The following GRIP2 variants were observed in gnomAD, a reference collection of about 807,000 sequenced individuals.
GRIP2 encodes the protein glutamate receptor interacting protein 2, also known as glutamate receptor-interacting protein 2.
GRIP2 carries 58 observed loss-of-function variants against 108.3 expected under a neutral mutation model. That is an observed-to-expected ratio of 0.54 (90% CI 0.43 to 0.67). The LOEUF (loss-of-function observed/expected upper bound fraction) is 0.67, where lower values mean the gene tolerates loss of function less well. Ranked by LOEUF, GRIP2 falls within the 30% of genes least tolerant of loss-of-function variation. GRIP2 has a pLI of 0.00. For synonymous variants in GRIP2, 586 were observed against 598.2 expected (o/e 0.98, Z 0.30); for missense variants, 1,278 against 1,430.6 (o/e 0.89, Z 1.72).
chr3:14,555,712 G>A (rs958543364), intron 1 of GRIP2, among the ~76,000 whole-genome samples: 3 of 152,112 alleles, frequency 2.0e-5, no homozygotes, highest in African/African-American at 4.8e-5. Context: ...GAAGCAGAGC[G>A]GTGGAGAGAC....
the GRIP2 span, among the ~76,000 whole-genome samples, chr3:14,569,876 C>T: frequency 3.3e-5 from 5 of 152,194 alleles, no homozygotes; most frequent in African/African-American, 1.2e-4. Flanking sequence ...AGGCAGAAGT[C>T]GAGCCAGGCC....
the GRIP2 span, among the ~76,000 whole-genome samples, chr3:14,576,801 G>C: frequency 1.3e-5 from 2 of 152,174 alleles, no homozygotes; most frequent in African/African-American, 4.8e-5. Flanking sequence ...AAATACCAAT[G>C]TATGAATTTT....
At position 14,507,419 on chromosome 3, in the gene GRIP2, T is replaced by C. The variant is rs1243023818; in HGVS notation, c.2218+142A>G. On this transcript the variant is annotated intron_variant, in intron 18 of 23. Transcript: ENST00000621039. The surrounding 1 kb of genome is among the most constrained non-coding windows in gnomAD (Gnocchi z 4.6). ...TGGGCTCATCACTTCCCTCTCTGAG[T>C]CTTATCTTCTTTGCCATCGCAGGCC... 1 of 1,014,666 alleles carries C rather than the reference T, an allele frequency of 9.9e-7. No homozygotes were observed. The highest frequency in any genetic ancestry group is 2.6e-5 in the East Asian group (1 of 39,158). The allele number at this position is 1,014,666 out of a possible 1,614,324, so 62.9% of individuals were successfully genotyped here. A position where few individuals can be genotyped will look rare whatever the true frequency, so the allele number is the denominator to read the frequency against.
At position 14,518,215 on chromosome 3, in the gene GRIP2, T is replaced by C. The variant is rs568944342; in HGVS notation, c.1031-318A>G. On this transcript the variant is annotated intron_variant, in intron 9 of 23. Coordinates refer to ENST00000621039, the MANE Select transcript of GRIP2 (RefSeq NM_001080423.4). ...CTGGAGCCGGAGAGGTCTATGGCTA[T>C]GAGTGCTGCCATGAAGTTTCTCCAA... Among the ~76,000 whole-genome samples the C allele has an allele frequency of 2.6e-5, 4 of 152,336 alleles. No homozygotes were observed. In the East Asian group the frequency reaches 7.7e-4, roughly 29 times the overall value.
chr3:14,546,426 G>C (rs2124971928), upstream of GRIP2, among the ~76,000 whole-genome samples: 1 of 152,262 alleles, frequency 6.6e-6, no homozygotes, highest in South Asian at 2.1e-4. Context: ...ACGGGGGTGA[G>C]GGGTCTGAGG....
upstream of GRIP2, among the ~76,000 whole-genome samples, chr3:14,558,391 G>A (rs1695268571): frequency 6.6e-6 from 1 of 152,196 alleles, no homozygotes; most frequent in African/African-American, 2.4e-5. Flanking sequence ...TTTGCAGACT[G>A]TTAAGTGGCA....
chr3:14,567,907 G>C, the GRIP2 span, among the ~76,000 whole-genome samples: 1 of 152,344 alleles, frequency 6.6e-6, no homozygotes, highest in Admixed American at 6.5e-5. Context: ...AGGTCTCTGT[G>C]ATCAAGTCTT....
Position 14,507,126 on chromosome 3 carries a change from G to C in GRIP2, c.2219-146C>G. The C allele has an allele frequency of 1.3e-6, 1 of 792,154 alleles. No homozygotes were observed. 49.1% of individuals were successfully genotyped at this position (792,154 alleles called of 1,614,324 possible). A position where few individuals can be genotyped will look rare whatever the true frequency, so the allele number is the denominator to read the frequency against. ...CCATGGCACACTAATAAGCAAACCT[G>C]TTTCACAGATGGGAAAACTGAGGCT... On this transcript the variant is annotated intron_variant, in intron 18 of 23. Transcript: ENST00000621039. This position sits in a 1 kb window ranked among gnomAD's most constrained non-coding sequence, Gnocchi z 4.6.
In GRIP2 at chr3:14,514,322, C is replaced by T. The variant is rs1380135172; in HGVS notation, c.1463G>A (p.Cys488Tyr). Residue 488 changes from cysteine to tyrosine, a missense_variant, in exon 12 of 24, where the codon TGC becomes TAC. Cys to Tyr is a radical substitution (Grantham distance 194, BLOSUM62 -2). Coordinates refer to ENST00000621039, the MANE Select transcript of GRIP2 (RefSeq NM_001080423.4). ...AGCCGGACTGTCAGGCTCGATGAAG[C>T]ACACGAGGGGTGGGGAGGACAGGGT... ...TETLSSPPLV[C>Y]FIEPDSPAER... 9 of 1,574,566 alleles carry T rather than the reference C, an allele frequency of 5.7e-6. No homozygotes were observed. The highest frequency in any genetic ancestry group is 1.4e-5 in the African/African-American group (1 of 73,866).
In GRIP2 at chr3:14,521,771, C is replaced by A; in HGVS notation, c.583G>T (p.Val195Leu). ...GPADREGSLKVGDRLLSVDGI... is the reference protein window; with the variant it reads ...GPADREGSLKLGDRLLSVDGI... The stretch of plus-strand genomic sequence containing the variant: ...TCGACACTGAGCAGCCTGTCGCCCA[C>A]CTTCAGGGAGCCCTCCCTGTAGGGA... Residue 195 changes from valine (V) to leucine (L), a missense_variant, in exon 7 of 24, where the codon GTG (valine) becomes TTG (leucine). By Grantham distance (32) the Val-to-Leu change is conservative. Coordinates refer to ENST00000621039, the MANE Select transcript of GRIP2 (RefSeq NM_001080423.4). The surrounding 1 kb of genome is among the most constrained non-coding windows in gnomAD (Gnocchi z 5.1). The A allele has an allele frequency of 6.2e-7, 1 of 1,602,404 alleles. No homozygotes were observed. The highest frequency in any genetic ancestry group is 1.7e-4 in the Middle Eastern group (1 of 5,788).
At chr3:14,534,896 G>A (rs937481413) in intron 1 of GRIP2, among the ~76,000 whole-genome samples, 1 of 152,142 alleles carries the variant, frequency 6.6e-6, no homozygotes, top group Non-Finnish European at 1.5e-5. Context: ...GGCTGCCTTC[G>A]CCAGGGTCCT....
intron 23 of GRIP2, among the ~76,000 whole-genome samples, chr3:14,494,294 T>C (rs765764144): frequency 7.9e-5 from 12 of 152,216 alleles, no homozygotes; most frequent in Admixed American, 1.3e-4. Context: ...AGAGAAAACA[T>C]GAATTGAGTA....
chr3:14,493,846 G>A lies in GRIP2; in HGVS notation c.2971-20C>T. 3 of 1,603,562 alleles carry A rather than the reference G, an allele frequency of 1.9e-6. No individual in the cohort carries two copies. Among genetic ancestry groups the A allele is most frequent in the African/African-American group, 1.3e-5 (1 of 74,918 alleles). On this transcript the variant is annotated intron_variant, in intron 23 of 23. Transcript: ENST00000621039. ...GTTGACCTGCATGGGGCACAAGCAA[G>A]GGAACAGAACCGAGATGTCAGCCCT...
the GRIP2 span, among the ~76,000 whole-genome samples, chr3:14,580,619 G>A: frequency 6.6e-6 from 1 of 152,328 alleles, no homozygotes; most frequent in South Asian, 2.1e-4. Context: ...CTTGAGCCCA[G>A]TAGTTTGAGG....
upstream of GRIP2, among the ~76,000 whole-genome samples, chr3:14,544,919 A>G (rs1309230084): frequency 6.6e-6 from 1 of 152,120 alleles, no homozygotes; most frequent in African/African-American, 2.4e-5. Flanking sequence ...GGTATTCCAC[A>G]TCTTCCCCAG....
At chr3:14,510,562 G>T (rs375002700) in intron 16 of GRIP2, among the ~76,000 whole-genome samples, 1 of 152,080 alleles carries the variant, frequency 6.6e-6, no homozygotes, top group African/African-American at 2.4e-5. Context: ...ATTGCACCTG[G>T]CCCAACTTTT....
chr3:14,553,833 C>A (rs1695191330), intron 1 of GRIP2, among the ~76,000 whole-genome samples: 1 of 152,170 alleles, frequency 6.6e-6, no homozygotes, highest in Non-Finnish European at 1.5e-5. Flanking sequence ...AATGTGCAGG[C>A]TCACTTAATG....
At chr3:14,506,214 G>A (rs1028793720) in intron 19 of GRIP2, among the ~76,000 whole-genome samples, 6 of 152,302 alleles carry the variant, frequency 3.9e-5, no homozygotes, top group South Asian at 4.1e-4. Context: ...CCTACGGCCC[G>A]TAGAGGCCTC....
chr3:14,542,162 A>ATT (rs532429606), upstream of GRIP2: 16 of 953,742 alleles, frequency 1.7e-5, no homozygotes, highest in Admixed American at 3.6e-5. Context: ...TATTTTTTTT[A>ATT]TTTTTTTTTG....
Sources: gnomAD v4.1 joint callset for allele counts (sites outside exome capture counted in the v4.1 genomes callset) on GRCh38, gnomAD v4.1.1 for gene constraint, Gnocchi (gnomAD v3.1) non-coding constraint, MANE v1.5 for transcripts, NCBI Gene and HGNC (gene_info 2026-07-23, HGNC 2026-07-21) for gene names.